The following VPS26B variants were observed in gnomAD, a reference collection of about 807,000 sequenced individuals.
VPS26B encodes the protein vacuolar protein sorting-associated protein 26B.
VPS26B carries 10 observed loss-of-function variants against 33.3 expected under a neutral mutation model. The ratio of observed to expected loss-of-function variants is 0.30; its 90% confidence interval spans 0.19 to 0.51. The LOEUF is 0.51. Ranked by LOEUF, VPS26B falls within the 20% of genes least tolerant of loss-of-function variation. The pLI is 0.98. For synonymous variants in VPS26B, 190 were observed against 176.9 expected (o/e 1.07, Z -0.59); for missense variants, 317 against 452.7 (o/e 0.70, Z 2.72).
chr11:134,229,894 C>G (rs774420319), intron 1 of VPS26B, among the ~76,000 whole-genome samples: 1 of 152,210 alleles, frequency 6.6e-6, no homozygotes, highest in Non-Finnish European at 1.5e-5. Flanking sequence ...CCCTCTCTTT[C>G]CAGCCTCGTC....
chr11:134,234,451 C>T (rs1483535825), intron 1 of VPS26B, among the ~76,000 whole-genome samples: 1 of 152,170 alleles, frequency 6.6e-6, no homozygotes, highest in Non-Finnish European at 1.5e-5. Flanking sequence ...GCATGCTGTG[C>T]CTGGGTTTCC....
intron 1 of VPS26B, among the ~76,000 whole-genome samples, chr11:134,228,885 G>A (rs1938517168): frequency 6.6e-6 from 1 of 152,066 alleles, no homozygotes; most frequent in South Asian, 2.1e-4. Flanking sequence ...CTGACGGGGT[G>A]GCATATGGCA....
chr11:134,225,074 C>A lies in VPS26B; in HGVS notation c.-49C>A, dbSNP rs1047491730. On this transcript the variant is annotated 5_prime_UTR_variant, in exon 1 of 6. Transcript: ENST00000281187. ...TCTTTACCTAGGGCAGCCCGCGCCCCGGTGCGAGGGAGCGGTCCTTACCGA... is the reference window on the plus strand; with the variant it reads ...TCTTTACCTAGGGCAGCCCGCGCCCAGGTGCGAGGGAGCGGTCCTTACCGA... The A allele has an allele frequency of 3.9e-6, 6 of 1,528,980 alleles. No individual in the cohort carries two copies. Among genetic ancestry groups the A allele is most frequent in the African/African-American group, 2.7e-5 (2 of 72,868 alleles). 94.7% of individuals were successfully genotyped at this position (1,528,980 alleles called of 1,614,324 possible).
chr11:134,225,093 T>C lies in VPS26B; in HGVS notation c.-30T>C, dbSNP rs1179976639. 5.1e-6 allele frequency: 8 copies of C among 1,573,746 alleles called. No individual in the cohort carries two copies. The highest frequency in any genetic ancestry group is 6.9e-6 in the Non-Finnish European group (8 of 1,158,078). On this transcript the variant is annotated 5_prime_UTR_variant, in exon 1 of 6. Coordinates refer to ENST00000281187, the MANE Select transcript of VPS26B (RefSeq NM_052875.5). ...GCGCCCCGGTGCGAGGGAGCGGTCC[T>C]TACCGAGACCCGCCCGGCCCGGCGG... is the stretch of plus-strand genomic sequence containing the variant.
intron 3 of VPS26B, among the ~76,000 whole-genome samples, chr11:134,241,629 A>G (rs1472900958): frequency 6.6e-6 from 1 of 152,248 alleles, no homozygotes; most frequent in Non-Finnish European, 1.5e-5. Flanking sequence ...AGAGGCCAGC[A>G]GCTGTGCCAC....
intron 4 of VPS26B, 176 bp downstream of exon 4, chr11:134,243,470 G>T: frequency 1.4e-6 from 1 of 731,856 alleles, no homozygotes; most frequent in South Asian, 2.0e-5. Context: ...AAGGCTGAGT[G>T]TGTAGAACTT....
chr11:134,225,114 G>C lies in VPS26B; in HGVS notation c.-9G>C. 1 of 1,594,800 alleles carries C rather than the reference G, an allele frequency of 6.3e-7. No individual in the cohort carries two copies. The highest frequency in any genetic ancestry group is 1.1e-5 in the South Asian group (1 of 89,692). On this transcript the variant is annotated 5_prime_UTR_variant, in exon 1 of 6. Coordinates refer to ENST00000281187, the MANE Select transcript of VPS26B (RefSeq NM_052875.5). ...GTCCTTACCGAGACCCGCCCGGCCC[G>C]GCGGTGCGATGAGCTTCTTCGGCTT...
chr11:134,236,957 TTTATG>T (rs1329049590), intron 2 of VPS26B, among the ~76,000 whole-genome samples: 1 of 152,194 alleles, frequency 6.6e-6, no homozygotes, highest in Non-Finnish European at 1.5e-5. Flanking sequence ...AGTGGTAAAT[TTTATG>T]TTATACGTAT....
At chr11:134,235,240 A>G (rs1938614290) in intron 2 of VPS26B, 187 bp downstream of exon 2, 1 of 657,284 alleles carries the variant, frequency 1.5e-6, no homozygotes, top group Non-Finnish European at 2.5e-6. Flanking sequence ...AGGTTGTAGC[A>G]TGTGTCAATT....
At chr11:134,227,482 C>T (rs537868699) in intron 1 of VPS26B, among the ~76,000 whole-genome samples, 6 of 152,272 alleles carry the variant, frequency 3.9e-5, no homozygotes, top group Middle Eastern at 6.8e-3. Flanking sequence ...TTCTAGGAAC[C>T]GTGTCAAGGC....
intron 3 of VPS26B, among the ~76,000 whole-genome samples, chr11:134,242,477 C>T (rs1233252839): frequency 1.3e-5 from 2 of 152,258 alleles, no homozygotes; most frequent in Non-Finnish European, 2.9e-5. Flanking sequence ...CTCGTTCTCT[C>T]ATGCCTGATA....
At position 134,245,797 on chromosome 11, in the gene VPS26B, C is replaced by A. The variant is rs1408054852; in HGVS notation, c.*207C>A. 3 of 653,824 alleles carry A rather than the reference C, an allele frequency of 4.6e-6. No individual in the cohort carries two copies. In the South Asian group the frequency reaches 6.4e-5, roughly 14 times the overall value. The allele number at this position is 653,824 out of a possible 1,614,324, so 40.5% of individuals were successfully genotyped here. On this transcript the variant is annotated 3_prime_UTR_variant, in exon 6 of 6. Coordinates refer to ENST00000281187, the MANE Select transcript of VPS26B (RefSeq NM_052875.5). The surrounding 1 kb of genome is among the most constrained non-coding windows in gnomAD (Gnocchi z 4.7). Reference sequence around the variant, plus strand: ...GCAGTCTCTCCTTGGGATTCTGCGGCCGATGTGGGATAGAAGAGGTAGCAT... The same window carrying A: ...GCAGTCTCTCCTTGGGATTCTGCGGACGATGTGGGATAGAAGAGGTAGCAT...
intron 1 of VPS26B, among the ~76,000 whole-genome samples, chr11:134,234,339 A>G (rs1460548773): frequency 6.6e-6 from 1 of 152,156 alleles, no homozygotes; most frequent in African/African-American, 2.4e-5. Context: ...TTGTGTCATG[A>G]CCTGCATTAT....
chr11:134,245,415 G>A lies in VPS26B; in HGVS notation c.865-29G>A, dbSNP rs370209549. The A allele has an allele frequency of 1.2e-6, 2 of 1,613,276 alleles. No individual in the cohort carries two copies. The highest frequency in any genetic ancestry group is 2.7e-5 in the African/African-American group (2 of 74,924). On this transcript the variant is annotated intron_variant, in intron 5 of 5. Transcript: ENST00000281187. The surrounding 1 kb of genome is among the most constrained non-coding windows in gnomAD (Gnocchi z 4.7). ...CTGTCCCCATGCCTCCCTCTAAGGT[G>A]TCACATTGCCCCCCTTTCAATTCTG...
chr11:134,245,487 T>A lies in VPS26B; in HGVS notation c.908T>A (p.Met303Lys). The A allele has an allele frequency of 6.2e-7, 1 of 1,613,946 alleles. No individual in the cohort carries two copies. The highest frequency in any genetic ancestry group is 8.5e-7 in the Non-Finnish European group (1 of 1,179,894). The part of the protein sequence containing the change: ...WRKGDIVRKS[M>K]SHQAAIASQR... ...AAGGGTGACATCGTACGGAAGAGCA[T>A]GTCCCACCAGGCGGCCATCGCCTCA... The change falls in exon 6 of 6, where the codon ATG becomes AAG. Residue 303 changes from methionine (M) to lysine (K), a missense_variant. By Grantham distance (95) the Met-to-Lys change is moderately conservative (BLOSUM62 -1). Transcript: ENST00000281187. This position sits in a 1 kb window ranked among gnomAD's most constrained non-coding sequence, Gnocchi z 4.7.
chr11:134,235,146 G>A, intron 2 of VPS26B, 93 bp downstream of exon 2: 1 of 1,455,716 alleles, frequency 6.9e-7, no homozygotes, highest in Non-Finnish European at 9.3e-7. Flanking sequence ...AATCTTCACA[G>A]GGATCCCGAG....
At chr11:134,225,438 A>G in intron 1 of VPS26B, 93 bp downstream of exon 1, 1 of 1,304,444 alleles carries the variant, frequency 7.7e-7, no homozygotes, top group Non-Finnish European at 1.1e-6. Context: ...GAGGCCTGTC[A>G]CAGTCGCTTG....
chr11:134,242,321 C>G (rs116248641), intron 3 of VPS26B, among the ~76,000 whole-genome samples: 1 of 152,160 alleles, frequency 6.6e-6, no homozygotes, highest in Non-Finnish European at 1.5e-5. Context: ...TTTCTCTACC[C>G]CCTACTCACA....
At chr11:134,228,278 T>C (rs1938507132) in intron 1 of VPS26B, among the ~76,000 whole-genome samples, 1 of 151,316 alleles carries the variant, frequency 6.6e-6, no homozygotes, top group African/African-American at 2.4e-5. Context: ...GAGTGACTTT[T>C]CTTAGACAAC....
Sources: gnomAD v4.1 joint callset for allele counts (sites outside exome capture counted in the v4.1 genomes callset) on GRCh38, gnomAD v4.1.1 for gene constraint, Gnocchi (gnomAD v3.1) non-coding constraint, MANE v1.5 for transcripts, NCBI Gene and HGNC (gene_info 2026-07-23, HGNC 2026-07-21) for gene names.